Variants in CYP4V2 observed in about 807,000 individuals in gnomAD.
CYP4V2 encodes the protein cytochrome P450 4V2.
A neutral mutation model predicts 60.8 loss-of-function variants in CYP4V2; 55 were observed. The ratio of observed to expected loss-of-function variants is 0.90; its 90% CI spans 0.73 to 1.13. The LOEUF (loss-of-function observed/expected upper bound fraction) is 1.13. Among genes scored for constraint, CYP4V2 ranks in the 50% most tolerant of loss-of-function variants. The pLI is 0.00. For missense variants in CYP4V2, 675 were observed against 662.9 expected, an observed-to-expected ratio of 1.02 and a Z score of -0.20; for synonymous variants, 239 against 236.8, an observed-to-expected ratio of 1.01 and a Z score of -0.08.
intron 7 of CYP4V2, chr4:186,204,055 A>G (rs1736403801): frequency 6.6e-6 from 1 of 151,986 alleles, no homozygotes; most frequent in South Asian, 2.1e-4. Context: ...TTTCTGAAGA[A>G]CTCACCACTT....
At chr4:186,204,422 T>C (rs1204583336) in intron 7 of CYP4V2, 1 of 197,018 alleles carries the variant, frequency 5.1e-6, no homozygotes, top group African/African-American at 2.5e-5. Flanking sequence ...GACGTTTCGC[T>C]GGCGTAAGAG....
chr4:186,209,236 T>TA lies in CYP4V2; in HGVS notation c.1370dup (p.Tyr457Ter). The change falls in exon 10 of 11, where the codon TAC becomes TAAC. Residue 457 changes from tyrosine to a stop codon, truncating the protein, a stop_gained and frameshift_variant. Transcript: ENST00000378802. LOFTEE classifies it high-confidence loss of function. ...TGCACAAGGGCGCCATCCATATGCC[T>TA]ACGTGCCCTTCTCTGCTGGCCCCAG... ...ENAQGRHPYA[Y>*]VPFSAGPRNC... is the part of the protein sequence containing the mutation. 1.2e-6 allele frequency: 2 copies of TA among 1,614,096 alleles called. No individual in the cohort carries two copies. Among genetic ancestry groups the TA allele is most frequent in the South Asian group, 2.2e-5 (2 of 91,068 alleles).
intron 3 of CYP4V2, chr4:186,196,562 C>G (rs924329303): frequency 1.7e-5 from 5 of 288,704 alleles, no homozygotes; most frequent in South Asian, 8.4e-5. Context: ...GGGGAGAGAT[C>G]AAGGTAGAAC....
At chr4:186,202,657 TACACATGCACAG>T (rs1736344504) in intron 7 of CYP4V2, 1 of 130,178 alleles carries the variant, frequency 7.7e-6, no homozygotes, top group African/African-American at 2.6e-5. Context: ...CTCATGCACA[TACACATGCACAG>T]ACACATGTAT....
At chr4:186,208,580 A>T (rs1476295240) in intron 8 of CYP4V2, among the ~76,000 whole-genome samples, 1 of 150,822 alleles carries the variant, frequency 6.6e-6, no homozygotes, top group Non-Finnish European at 1.5e-5. Flanking sequence ...TTCTTCTTTG[A>T]AGGGTATTTG....
Position 186,201,310 on chromosome 4 carries a change from A to G in CYP4V2, c.955A>G (p.Ile319Val). The change falls in exon 7 of 11, where the codon ATT (isoleucine) becomes GTT (valine). Residue 319 changes from isoleucine to valine, a missense_variant. Transcript: ENST00000378802. ...AGGGAACAGGCTAAGTCATGAAGAT[A>G]TTCGAGAAGAAGTTGACACCTTCAT... ...DEGNRLSHED[I>V]REEVDTFMFE... 6.2e-7 allele frequency: 1 copy of G among 1,614,214 alleles called. No homozygotes were observed. The highest frequency in any genetic ancestry group is 2.2e-5 in the East Asian group (1 of 44,880).
chr4:186,197,580 G>C lies in CYP4V2; in HGVS notation c.652G>C (p.Glu218Gln). ...NIGAQSNDDS[E>Q]YVRAVYRMSE... ...TGGTGCTCAAAGTAATGATGATTCCGAGTATGTCCGTGCAGTTTATAGGTA... is the reference window on the plus strand; with the variant it reads ...TGGTGCTCAAAGTAATGATGATTCCCAGTATGTCCGTGCAGTTTATAGGTA... Residue 218 changes from glutamate (E) to glutamine (Q), a missense_variant, in exon 5 of 11, where the codon GAG (glutamate) becomes CAG (glutamine). Transcript: ENST00000378802. 6.2e-7 allele frequency: 1 copy of C among 1,614,162 alleles called. No homozygotes were observed. Among genetic ancestry groups the C allele is most frequent in the Non-Finnish European group, 8.5e-7 (1 of 1,180,022 alleles).
chr4:186,197,358 G>T, intron 4 of CYP4V2, 175 bp from the exon 5 acceptor site: 1 of 850,808 alleles, frequency 1.2e-6, no homozygotes. Flanking sequence ...AGGAAGAACA[G>T]GAACAGGGAG....
chr4:186,207,556 A>G (rs903444820), intron 8 of CYP4V2, among the ~76,000 whole-genome samples: 80 of 141,116 alleles, frequency 5.7e-4, no homozygotes, highest in African/African-American at 1.9e-3. Context: ...AAAATATATT[A>G]AAATATATAA....
At chr4:186,196,904 A>T in intron 3 of CYP4V2, 36 bp from the exon 4 acceptor site, 3 of 1,589,314 alleles carry the variant, frequency 1.9e-6, no homozygotes, top group Non-Finnish European at 2.6e-6. Flanking sequence ...CTCTCTCTGT[A>T]GATATATTTT....
At position 186,208,898 on chromosome 4, in the gene CYP4V2, T is replaced by G. The variant is rs769900016; in HGVS notation, c.1124T>G (p.Leu375Arg). ...KSDRPATVED[L>R]KKLRYLECVI... ...GACCGTCCCGCTACAGTAGAAGACC[T>G]GAAGAAACTTCGGTATCTGGAATGT... Residue 375 changes from leucine (L) to arginine (R), a missense_variant, in exon 9 of 11, where the codon CTG (leucine) becomes CGG (arginine). Transcript: ENST00000378802. The G allele has an allele frequency of 6.2e-7, 1 of 1,614,254 alleles. No homozygotes were observed. The highest frequency in any genetic ancestry group is 8.5e-7 in the Non-Finnish European group (1 of 1,180,052).
intron 8 of CYP4V2, 47 bp from the exon 9 acceptor site, chr4:186,208,818 A>C: frequency 1.2e-6 from 2 of 1,614,008 alleles, no homozygotes; most frequent in Non-Finnish European, 1.7e-6. Context: ...CTGCACCCCC[A>C]GCCCCCACTG....
At position 186,201,292 on chromosome 4, in the gene CYP4V2, A is replaced by G. The variant is rs752484506; in HGVS notation, c.937A>G (p.Arg313Gly). The G allele has an allele frequency of 1.2e-6, 2 of 1,614,214 alleles. No individual in the cohort carries two copies. The highest frequency in any genetic ancestry group is 2.7e-5 in the African/African-American group (2 of 75,058). The change falls in exon 7 of 11, where the codon AGG becomes GGG. Residue 313 changes from arginine to glycine, a missense_variant. Arg to Gly is a moderately radical substitution (Grantham distance 125). Coordinates refer to ENST00000378802, the MANE Select transcript of CYP4V2 (RefSeq NM_207352.4). ...LLSVTDDEGN[R>G]LSHEDIREEV... is the part of the protein sequence containing the mutation. ...AAGTGTGACTGATGACGAAGGGAAC[A>G]GGCTAAGTCATGAAGATATTCGAGA...
chr4:186,208,155 A>G (rs1736584346), intron 8 of CYP4V2, among the ~76,000 whole-genome samples: 1 of 134,886 alleles, frequency 7.4e-6, no homozygotes, highest in Non-Finnish European at 1.6e-5. Flanking sequence ...AGCATCCAGT[A>G]CCTTGATCCA....
intron 8 of CYP4V2, among the ~76,000 whole-genome samples, chr4:186,206,558 G>A (rs1301258233): frequency 1.3e-5 from 2 of 152,162 alleles, no homozygotes; most frequent in African/African-American, 2.4e-5. Context: ...GTTTTACAGT[G>A]AGAAGCAGGG....
Position 186,208,513 on chromosome 4 carries a change from C to T in CYP4V2, c.1091-352C>T, listed in dbSNP as rs547170445. Among the ~76,000 whole-genome samples the T allele has an allele frequency of 3.0e-3, 81 of 26,878 alleles. 1 individual carries two copies. The highest frequency in any genetic ancestry group is 0.011 in the African/African-American group (75 of 6,944). The allele number at this position is 26,878 out of a possible 152,430, so 17.6% of individuals were successfully genotyped here. Reference sequence around the variant, plus strand: ...ATTTAGCATCTAGTACCTTGATCCACGTGTTCTTTGATGGGTATTTGATGG... The same window carrying T: ...ATTTAGCATCTAGTACCTTGATCCATGTGTTCTTTGATGGGTATTTGATGG... On this transcript the variant is annotated intron_variant, in intron 8 of 10. Coordinates refer to ENST00000378802, the MANE Select transcript of CYP4V2 (RefSeq NM_207352.4).
intron 8 of CYP4V2, among the ~76,000 whole-genome samples, chr4:186,206,357 T>A (rs1402821204): frequency 6.6e-6 from 1 of 152,172 alleles, no homozygotes; most frequent in Non-Finnish European, 1.5e-5. Context: ...GTTCTCTTCT[T>A]CCAAATAGGG....
chr4:186,194,685 A>AAGGAC, intron 2 of CYP4V2, 73 bp downstream of exon 2: 1 of 1,385,408 alleles, frequency 7.2e-7, no homozygotes, highest in Non-Finnish European at 1.0e-6. Context: ...GAATCAATAT[A>AAGGAC]ACGTGTCCTT....
In CYP4V2 at chr4:186,200,402, G is replaced by C. The variant is rs368205201; in HGVS notation, c.802-755G>C. 2.2e-4 allele frequency among the ~76,000 whole-genome samples: 34 copies of C among 152,300 alleles called. No homozygotes were observed. The East Asian group carries it at 2.7e-3, about 12-fold the overall frequency. ...TTAAATGCCAAGCAGTGCTCTAGAG[G>C]TTGGAAATGTATCAATGAACAAAGA... On this transcript the variant is annotated intron_variant, in intron 6 of 10. Transcript: ENST00000378802.
Sources: allele counts gnomAD v4.1 joint callset (sites outside exome capture counted in the v4.1 genomes callset), GRCh38; gene constraint gnomAD v4.1.1; transcripts MANE v1.5; gene names NCBI Gene and HGNC (gene_info 2026-07-23, HGNC 2026-07-21).